The following STK11 variants were observed in gnomAD, a reference collection of about 807,000 sequenced individuals.
The protein encoded by STK11 is serine/threonine kinase 11.
A neutral mutation model predicts 47.3 loss-of-function variants in STK11; 8 were observed. The ratio of observed to expected loss-of-function variants is 0.17; its 90% CI spans 0.10 to 0.31. The LOEUF is 0.31. Among genes scored for constraint, STK11 ranks in the 10% least tolerant of loss-of-function variants. The probability of loss-of-function intolerance (pLI) is 1.00; values close to 1 mark genes in which losing one functional copy is unlikely to be tolerated. For missense variants in STK11, 475 were observed against 605.0 expected, an observed-to-expected ratio of 0.79 and a Z score of 2.25; for synonymous variants, 330 against 255.8, an observed-to-expected ratio of 1.29 and a Z score of -2.77.
In STK11 at chr19:1,223,188, G is replaced by A. The variant is rs770723400; in HGVS notation, c.1108+16G>A. ...ACGGTGCCCGGTGAGTCTGGCGGGG[G>A]CCCCTGCCCGGCTCTGCTGACTCGG... On this transcript the variant is annotated intron_variant, in intron 8 of 9. Transcript: ENST00000326873. 3 of 1,602,868 alleles carry A rather than the reference G, an allele frequency of 1.9e-6. No individual in the cohort carries two copies. The highest frequency in any genetic ancestry group is 2.5e-6 in the Non-Finnish European group (3 of 1,176,506).
chr19:1,221,596 C>T (rs1599928002), intron 6 of STK11: 1 of 603,996 alleles, frequency 1.7e-6, no homozygotes, highest in Non-Finnish European at 2.9e-6. Flanking sequence ...CCCAGCCCCA[C>T]CCTCGGGGGC....
chr19:1,228,008 G>A lies in STK11; in HGVS notation c.*432G>A, dbSNP rs1367976681. On this transcript the variant is annotated 3_prime_UTR_variant, in exon 10 of 10. Transcript: ENST00000326873. ...GCCATGCATGCAGCGCCACCTGGAA[G>A]CCGCGCGGCCGCTTTGGTTTTTTGT... 1.9e-6 allele frequency: 2 copies of A among 1,067,640 alleles called. No homozygotes were observed. The highest frequency in any genetic ancestry group is 1.6e-5 in the African/African-American group (1 of 61,206). The allele number at this position is 1,067,640 out of a possible 1,614,324, so 66.1% of individuals were successfully genotyped here.
At chr19:1,214,156 T>C (rs1170401636) in intron 1 of STK11, among the ~76,000 whole-genome samples, 2 of 152,192 alleles carry the variant, frequency 1.3e-5, no homozygotes, top group Non-Finnish European at 2.9e-5. Context: ...TAGGTTTCGC[T>C]GGGCCTCCTC....
intron 8 of STK11, 183 bp from the exon 9 acceptor site, chr19:1,226,271 G>T (rs961354800): frequency 7.0e-7 from 1 of 1,432,742 alleles, no homozygotes; most frequent in African/African-American, 1.5e-5. Flanking sequence ...TCAGCCCCGG[G>T]GGGTGCCTCC....
rs1165942349 is a variant in STK11, at chr19:1,228,118, G to C, written c.*542G>C. 9.4e-7 allele frequency: 1 copy of C among 1,063,180 alleles called. No homozygotes were observed. The highest frequency in any genetic ancestry group is 1.1e-6 in the Non-Finnish European group (1 of 877,850). The allele number at this position is 1,063,180 out of a possible 1,614,324, so 65.9% of individuals were successfully genotyped here. A position where few individuals can be genotyped will look rare whatever the true frequency, so the allele number is the denominator to read the frequency against. On this transcript the variant is annotated 3_prime_UTR_variant, in exon 10 of 10. Coordinates refer to ENST00000326873, the MANE Select transcript of STK11 (RefSeq NM_000455.5). The stretch of plus-strand genomic sequence containing the variant: ...TGAGCTGTGGCTGTGAGGGGTGTTT[G>C]GGAGCTGCTGGGTGGCAGGGGGGCT...
intron 7 of STK11, 107 bp from the exon 8 acceptor site, chr19:1,222,878 A>G: frequency 7.6e-7 from 1 of 1,314,956 alleles, no homozygotes; most frequent in Non-Finnish European, 1.0e-6. Context: ...GCCTGGTCCC[A>G]GCTCCTGAGT....
intron 3 of STK11, 27 bp downstream of exon 3, chr19:1,219,440 T>TGGGGGG: frequency 1.1e-6 from 1 of 890,598 alleles, no homozygotes; most frequent in Non-Finnish European, 1.6e-6. Flanking sequence ...GGGGCCAGGG[T>TGGGGGG]GGGGCGGGGG....
At chr19:1,213,322 T>A (rs2080724466) in intron 1 of STK11, among the ~76,000 whole-genome samples, 1 of 152,142 alleles carries the variant, frequency 6.6e-6, no homozygotes, top group Non-Finnish European at 1.5e-5. Context: ...AAGTGTGTAA[T>A]TCAGTGGCAT....
intron 1 of STK11, among the ~76,000 whole-genome samples, chr19:1,215,495 C>G (rs1264938563): frequency 6.6e-6 from 1 of 152,244 alleles, no homozygotes; most frequent in Non-Finnish European, 1.5e-5. Context: ...TCACACCTTG[C>G]TTTCCCTTCA....
intron 2 of STK11, 95 bp downstream of exon 2, chr19:1,218,595 T>C: frequency 9.0e-7 from 1 of 1,106,064 alleles, no homozygotes; most frequent in Non-Finnish European, 1.4e-6. Flanking sequence ...TCCCGTCTCC[T>C]TGAAGGAGAC....
rs9282860 is a variant in STK11 at position 1,221,162 on chromosome 19, C to T, written c.735-51C>T. 75,187 of 1,603,580 alleles carry T rather than the reference C, an allele frequency of 0.047. 2,362 individuals are homozygous for T. The highest frequency in any genetic ancestry group is 0.13 in the East Asian group (5,699 of 44,604). ...TGGGGTAGAGCTGGGGCTCCTAGGG[C>T]GTCAACCACCTTGACTGACCACGCC... On this transcript the variant is annotated intron_variant, in intron 5 of 9. Coordinates refer to ENST00000326873, the MANE Select transcript of STK11 (RefSeq NM_000455.5).
rs189320727 is a variant in STK11, at chr19:1,209,624, A to C, written c.290+2421A>C. On this transcript the variant is annotated intron_variant, in intron 1 of 9. Transcript: ENST00000326873. ...TAAATAAATAAATAAATAAATAAAT[A>C]AATCTGGCTTGAGTTTTGACAAATG... Among the ~76,000 whole-genome samples, 481 of 143,338 alleles carry C rather than the reference A, an allele frequency of 3.4e-3. 1 individual carries two copies. The highest frequency in any genetic ancestry group is 5.9e-3 in the African/African-American group (231 of 39,022). 94.0% of individuals were successfully genotyped at this position (143,338 alleles called of 152,430 possible). A position where few individuals can be genotyped will look rare whatever the true frequency, so the allele number is the denominator to read the frequency against.
chr19:1,223,417 G>A (rs1599929776), intron 8 of STK11, among the ~76,000 whole-genome samples: 3 of 152,342 alleles, frequency 2.0e-5, no homozygotes, highest in South Asian at 4.1e-4. Flanking sequence ...TTCCTCAGGC[G>A]TCTCTCCGGG....
chr19:1,214,767 A>G (rs1030608669), intron 1 of STK11, among the ~76,000 whole-genome samples: 1 of 152,074 alleles, frequency 6.6e-6, no homozygotes, highest in East Asian at 1.9e-4. Flanking sequence ...GGTGGGCCAG[A>G]GCGGTGCTGG....
chr19:1,220,461 A>G lies in STK11; in HGVS notation c.553A>G (p.Thr185Ala), dbSNP rs2145424509. ...CATCAAGCCGGGGAACCTGCTGCTC[A>G]CCACCGGTGGCACCCTCAAAATCTC... is the stretch of plus-strand genomic sequence containing the variant. ...KDIKPGNLLL[T>A]TGGTLKISDL... Residue 185 changes from threonine to alanine, a missense_variant, in exon 4 of 10, where the codon ACC becomes GCC. By Grantham distance (58) the Thr-to-Ala change is moderately conservative (BLOSUM62 0). Transcript: ENST00000326873. 1 of 1,607,304 alleles carries G rather than the reference A, an allele frequency of 6.2e-7. No individual in the cohort carries two copies. The highest frequency in any genetic ancestry group is 1.3e-5 in the African/African-American group (1 of 74,964).
chr19:1,214,856 G>C (rs867608920), intron 1 of STK11, among the ~76,000 whole-genome samples: 44 of 152,220 alleles, frequency 2.9e-4, no homozygotes, highest in African/African-American at 1.1e-3. Flanking sequence ...GCCGGTAGCC[G>C]GCTCCTGCTG....
At chr19:1,212,066 G>C (rs1275491126) in intron 1 of STK11, among the ~76,000 whole-genome samples, 2 of 152,130 alleles carry the variant, frequency 1.3e-5, no homozygotes, top group Non-Finnish European at 2.9e-5. Context: ...CAGAACAGCG[G>C]GGGTAATGGG....
rs1191068084 is a variant in STK11 at position 1,206,430 on chromosome 19, TGGGGGTCCCG to T, written c.-477_-468del. The T allele has an allele frequency of 4.2e-5, 10 of 235,448 alleles. No individual in the cohort carries two copies. The highest frequency in any genetic ancestry group is 1.1e-4 in the Admixed American group (2 of 18,002). The allele number at this position is 235,448 out of a possible 1,614,324, so 14.6% of individuals were successfully genotyped here. Reference sequence around the variant, plus strand: ...CCAGCGAAGTTGGGCTCTCCAGGTGTGGGGGTCCCGGGGGGTAGCGACGTCGCGGACCCGG... The same window carrying T: ...CCAGCGAAGTTGGGCTCTCCAGGTGTGGGGGTAGCGACGTCGCGGACCCGG... On this transcript the variant is annotated 5_prime_UTR_variant, in exon 1 of 10. An upstream open reading frame in the 5' UTR loses its in-frame stop. Coordinates refer to ENST00000326873, the MANE Select transcript of STK11 (RefSeq NM_000455.5).
intron 3 of STK11, 122 bp from the exon 4 acceptor site, chr19:1,220,251 T>G: frequency 7.5e-7 from 1 of 1,334,012 alleles, no homozygotes; most frequent in Non-Finnish European, 1.0e-6. Flanking sequence ...CCTGTGTGCC[T>G]GGACTTCTGT....
Sources: gnomAD v4.1 joint callset for allele counts (sites outside exome capture counted in the v4.1 genomes callset) on GRCh38, gnomAD v4.1.1 for gene constraint, MANE v1.5 for transcripts, NCBI Gene and HGNC (gene_info 2026-07-23, HGNC 2026-07-21) for gene names.